Variants in ZNF184 observed in about 807,000 individuals in gnomAD.
ZNF184 encodes zinc finger protein 184 (Kruppel-like).
In ZNF184, 16 loss-of-function variants were observed where a neutral mutation model predicts 54.4. The ratio of observed to expected loss-of-function variants is 0.29; its 90% CI spans 0.20 to 0.45. The LOEUF (loss-of-function observed/expected upper bound fraction) is 0.45, where lower values mean the gene tolerates loss of function less well. ZNF184 is among the 20% of genes least tolerant of loss of function. ZNF184 has a pLI of 1.00. For missense variants in ZNF184, 681 were observed against 888.2 expected (o/e 0.77, Z 2.97); for synonymous variants, 254 against 295.3 (o/e 0.86, Z 1.43).
chr6:27,445,707 G>A, the ZNF184 span, among the ~76,000 whole-genome samples: 1 of 93,716 alleles, frequency 1.1e-5, no homozygotes, highest in Non-Finnish European at 2.1e-5. Context: ...GTAGTCTGTG[G>A]TATTCTGTTA....
chr6:27,470,500 C>A (rs1763248539), intron 2 of ZNF184, among the ~76,000 whole-genome samples: 1 of 152,126 alleles, frequency 6.6e-6, no homozygotes, highest in Non-Finnish European at 1.5e-5. Flanking sequence ...TTATGCTCAA[C>A]TTGATCTTGA....
At chr6:27,427,375 C>T in the ZNF184 span, among the ~76,000 whole-genome samples, 4,598 of 152,266 alleles carry the variant, frequency 0.03, 135 homozygotes, top group African/African-American at 0.084. Flanking sequence ...AGCTATTCTT[C>T]CTGGTACAAA....
rs991656047 is a variant in ZNF184, at chr6:27,453,336, T to C, written c.299-76A>G. The C allele has an allele frequency of 7.5e-7, 1 of 1,337,054 alleles. No homozygotes were observed. The highest frequency in any genetic ancestry group is 1.5e-5 in the African/African-American group (1 of 67,336). 82.8% of individuals were successfully genotyped at this position (1,337,054 alleles called of 1,614,324 possible). A position where few individuals can be genotyped will look rare whatever the true frequency, so the allele number is the denominator to read the frequency against. ...TGCTATTGTGGGAATAATATAATGA[T>C]ACTGAAAAATAAATCTCTCAGAAAA... On this transcript the variant is annotated intron_variant, in intron 5 of 5. Coordinates refer to ENST00000683788, the MANE Select transcript of ZNF184 (RefSeq NM_001318891.2). This position sits in a 1 kb window ranked among gnomAD's most constrained non-coding sequence, Gnocchi z 4.7.
chr6:27,441,514 C>T, the ZNF184 span, among the ~76,000 whole-genome samples: 1 of 141,856 alleles, frequency 7.0e-6, no homozygotes, highest in African/African-American at 2.5e-5. Flanking sequence ...TGTATCTGGC[C>T]AGAACAGAAT....
At chr6:27,450,462 C>T (rs950844160), downstream of ZNF184, among the ~76,000 whole-genome samples, 5 of 152,048 alleles carry the variant, frequency 3.3e-5, no homozygotes, top group South Asian at 4.1e-4. Flanking sequence ...CTGCTTAGCA[C>T]CATGTAGGAA....
At chr6:27,408,329 T>C in the ZNF184 span, among the ~76,000 whole-genome samples, 1 of 152,238 alleles carries the variant, frequency 6.6e-6, no homozygotes, top group Admixed American at 6.5e-5. Flanking sequence ...TTAATTCATG[T>C]TACCTTAAAA....
At chr6:27,412,231 G>A in the ZNF184 span, among the ~76,000 whole-genome samples, 1 of 152,308 alleles carries the variant, frequency 6.6e-6, no homozygotes, top group African/African-American at 2.4e-5. Flanking sequence ...GAGGTTGCAC[G>A]CTCAGGGCCA....
the ZNF184 span, among the ~76,000 whole-genome samples, chr6:27,414,014 T>C: frequency 1.3e-5 from 2 of 152,214 alleles, no homozygotes. Context: ...CTATGCATCT[T>C]CTCTGATAAG....
At chr6:27,423,512 T>A in the ZNF184 span, among the ~76,000 whole-genome samples, 3 of 152,150 alleles carry the variant, frequency 2.0e-5, no homozygotes, top group Non-Finnish European at 1.5e-5. Flanking sequence ...ATCATTATAA[T>A]AATTCAGCCC....
At chr6:27,440,110 TG>T in the ZNF184 span, among the ~76,000 whole-genome samples, 1 of 152,238 alleles carries the variant, frequency 6.6e-6, no homozygotes, top group African/African-American at 2.4e-5. Flanking sequence ...TTTCTCCTTT[TG>T]CCCATACTTT....
the ZNF184 span, among the ~76,000 whole-genome samples, chr6:27,426,196 G>A: frequency 6.6e-6 from 1 of 152,118 alleles, no homozygotes; most frequent in Admixed American, 6.5e-5. The surrounding 1 kb of genome is among the most constrained non-coding windows in gnomAD (Gnocchi z 4.2). Context: ...AGTTAATCCT[G>A]AGTGACATCA....
chr6:27,427,099 G>A, the ZNF184 span, among the ~76,000 whole-genome samples: 2 of 119,720 alleles, frequency 1.7e-5, no homozygotes, highest in African/African-American at 6.4e-5. Context: ...AAAGAGCCAG[G>A]TCTATAACAC....
the ZNF184 span, among the ~76,000 whole-genome samples, chr6:27,412,076 C>T: frequency 8.3e-4 from 127 of 152,282 alleles, no homozygotes; most frequent in Middle Eastern, 0.01. Context: ...AGATGAGGGC[C>T]GGCAACTGCC....
chr6:27,452,456 T>A lies in ZNF184; in HGVS notation c.1103A>T (p.Asp368Val). 1 of 1,614,112 alleles carries A rather than the reference T, an allele frequency of 6.2e-7. No homozygotes were observed. The highest frequency in any genetic ancestry group is 8.5e-7 in the Non-Finnish European group (1 of 1,180,010). Reference sequence around the variant, plus strand: ...GTGTGTGCTCCTGGTGAAGGTTTTATCACATTCATCACATTTAAAAGGTTT... The same window carrying A: ...GTGTGTGCTCCTGGTGAAGGTTTTAACACATTCATCACATTTAAAAGGTTT... ...GEKPFKCDEC[D>V]KTFTRSTHLT... Residue 368 changes from aspartate to valine, a missense_variant, in exon 6 of 6, where the codon GAT becomes GTT. Asp to Val is a radical substitution (Grantham distance 152). Transcript: ENST00000683788. This position sits in a 1 kb window ranked among gnomAD's most constrained non-coding sequence, Gnocchi z 5.5.
the ZNF184 span, among the ~76,000 whole-genome samples, chr6:27,435,709 T>C: frequency 6.6e-6 from 1 of 152,264 alleles, no homozygotes; most frequent in African/African-American, 2.4e-5. Flanking sequence ...TTGCATGACC[T>C]CGGAACTCTT....
At chr6:27,435,235 C>T in the ZNF184 span, among the ~76,000 whole-genome samples, 1 of 152,092 alleles carries the variant, frequency 6.6e-6, no homozygotes, top group Non-Finnish European at 1.5e-5. Flanking sequence ...CTGTTGGTTG[C>T]TTCGGATGAC....
the ZNF184 span, among the ~76,000 whole-genome samples, chr6:27,429,851 T>A: frequency 6.6e-6 from 1 of 152,212 alleles, no homozygotes; most frequent in Non-Finnish European, 1.5e-5. Context: ...ATAAGTCAGA[T>A]CAATGGAGAA....
chr6:27,426,134 C>A, the ZNF184 span, among the ~76,000 whole-genome samples: 1 of 152,248 alleles, frequency 6.6e-6, no homozygotes, highest in African/African-American at 2.4e-5. The surrounding 1 kb of genome is among the most constrained non-coding windows in gnomAD (Gnocchi z 4.2). Context: ...ATACATACAT[C>A]TAGCATACCT....
At chr6:27,418,918 C>T in the ZNF184 span, among the ~76,000 whole-genome samples, 2 of 151,774 alleles carry the variant, frequency 1.3e-5, no homozygotes, top group Non-Finnish European at 2.9e-5. Flanking sequence ...CTCATGGTGT[C>T]TTCCCTACCC....
Sources: allele counts gnomAD v4.1 joint callset (sites outside exome capture counted in the v4.1 genomes callset), GRCh38; gene constraint gnomAD v4.1.1; non-coding constraint Gnocchi (gnomAD v3.1); transcripts MANE v1.5; gene names NCBI Gene and HGNC (gene_info 2026-07-23, HGNC 2026-07-21).